The following MFSD2B variants were observed in gnomAD, a reference collection of about 807,000 sequenced individuals.
MFSD2B encodes sphingosine-1-phosphate transporter MFSD2B.
In MFSD2B, 56 loss-of-function variants were observed where a neutral mutation model predicts 58.4. The observed-to-expected ratio is 0.96, with a 90% CI of 0.77 to 1.20. The LOEUF (loss-of-function observed/expected upper bound fraction) is 1.20, where lower values mean the gene tolerates loss of function less well. Ranked by LOEUF, MFSD2B falls within the 50% of genes most tolerant of loss-of-function variation. The pLI is 0.00. For synonymous variants in MFSD2B, 287 were observed against 294.4 expected (o/e 0.97, Z 0.26); for missense variants, 645 against 667.6 (o/e 0.97, Z 0.37).
chr2:24,019,775 A>T (rs1662690546), intron 6 of MFSD2B, among the ~76,000 whole-genome samples: 1 of 152,132 alleles, frequency 6.6e-6, no homozygotes. Flanking sequence ...TTCCCAATGC[A>T]CCTACTGCCC....
In MFSD2B at chr2:24,023,875, T is replaced by A. The variant is rs1233677941; in HGVS notation, c.1313+149T>A. On this transcript the variant is annotated intron_variant, in intron 12 of 13. Coordinates refer to ENST00000338315, the MANE Select transcript of MFSD2B (RefSeq NM_001346880.2). This position sits in a 1 kb window ranked among gnomAD's most constrained non-coding sequence, Gnocchi z 5.0. ...GAGTGTGGGGAACCACTTCCCCAGG[T>A]TTCTCTGTGCATGAGACTGAGAGGG... 2.6e-5 allele frequency: 29 copies of A among 1,101,100 alleles called. No homozygotes were observed. The African/African-American group carries it at 3.9e-4, about 15-fold the overall frequency. The allele number at this position is 1,101,100 out of a possible 1,614,324, so 68.2% of individuals were successfully genotyped here.
chr2:24,022,868 G>A lies in MFSD2B; in HGVS notation c.1025G>A (p.Arg342His), dbSNP rs367771310. ...STPLWEWVLQ[R>H]FGKKTSAFGI... Reference sequence around the variant, plus strand: ...CCGCTGTGGGAGTGGGTTCTCCAGCGCTTTGGGAAGAAGACGTCAGCCTTT... The same window carrying A: ...CCGCTGTGGGAGTGGGTTCTCCAGCACTTTGGGAAGAAGACGTCAGCCTTT... The change falls in exon 10 of 14, where the codon CGC becomes CAC. Residue 342 changes from arginine to histidine, a missense_variant. Transcript: ENST00000338315. This position sits in a 1 kb window ranked among gnomAD's most constrained non-coding sequence, Gnocchi z 4.5. The A allele has an allele frequency of 6.2e-5, 100 of 1,611,104 alleles. No individual in the cohort carries two copies. Among genetic ancestry groups the A allele is most frequent in the Middle Eastern group, 1.6e-4 (1 of 6,062 alleles).
rs1159574428 is a variant in MFSD2B at position 24,025,420 on chromosome 2, C to G, written c.1491-12C>G. 16 of 1,535,912 alleles carry G rather than the reference C, an allele frequency of 1.0e-5. No individual in the cohort carries two copies. The highest frequency in any genetic ancestry group is 1.4e-5 in the Non-Finnish European group (16 of 1,146,814). On this transcript the variant is annotated splice_polypyrimidine_tract_variant and intron_variant, in intron 13 of 13. Coordinates refer to ENST00000338315, the MANE Select transcript of MFSD2B (RefSeq NM_001346880.2). ...TTCCATCCTTCTCCTTGGCTTCCTT[C>G]CCTTCCCACAGGAGGACCAGCTACA...
In MFSD2B at chr2:24,017,117, G is replaced by C. The variant is rs939179058; in HGVS notation, c.471+149G>C. 15 of 1,364,502 alleles carry C rather than the reference G, an allele frequency of 1.1e-5. No homozygotes were observed. Among genetic ancestry groups the C allele is most frequent in the Non-Finnish European group, 1.5e-5 (15 of 999,106 alleles). 84.5% of individuals were successfully genotyped at this position (1,364,502 alleles called of 1,614,324 possible). On this transcript the variant is annotated intron_variant, in intron 4 of 13. Transcript: ENST00000338315. The surrounding 1 kb of genome is among the most constrained non-coding windows in gnomAD (Gnocchi z 4.8). ...ATTGGCACTCGCCAGCCTTGCGCGGGACTGGCTGCCCCCTCCTGCCTTTGG... is the reference window on the plus strand; with the variant it reads ...ATTGGCACTCGCCAGCCTTGCGCGGCACTGGCTGCCCCCTCCTGCCTTTGG...
At position 24,010,210 on chromosome 2, in the gene MFSD2B, G is replaced by A; in HGVS notation, c.96+18G>A. 1.0e-5 allele frequency: 14 copies of A among 1,371,998 alleles called. No individual in the cohort carries two copies. The highest frequency in any genetic ancestry group is 1.3e-5 in the Non-Finnish European group (14 of 1,067,042). 85.0% of individuals were successfully genotyped at this position (1,371,998 alleles called of 1,614,324 possible). On this transcript the variant is annotated intron_variant, in intron 1 of 13. Coordinates refer to ENST00000338315, the MANE Select transcript of MFSD2B (RefSeq NM_001346880.2). ...GGCGAGAGGTGAGCGGGGCGGCGGG[G>A]ACCGGGAAGGGGCTGCGTCCTCGGG...
Position 24,024,485 on chromosome 2 carries a change from G to C in MFSD2B, c.1490+214G>C, listed in dbSNP as rs1221646509. Among the ~76,000 whole-genome samples the C allele has an allele frequency of 3.9e-5, 6 of 152,052 alleles. No homozygotes were observed. On this transcript the variant is annotated intron_variant, in intron 13 of 13. Transcript: ENST00000338315. The surrounding 1 kb of genome is among the most constrained non-coding windows in gnomAD (Gnocchi z 4.3). Reference sequence around the variant, plus strand: ...TTCCTTTGATCACCTGGTAGACTGTGGTATGTGAGGGCTCACTCCTTGATC... The same window carrying C: ...TTCCTTTGATCACCTGGTAGACTGTCGTATGTGAGGGCTCACTCCTTGATC...
Position 24,023,456 on chromosome 2 carries a change from C to A in MFSD2B, c.1170-127C>A. ...ACGAGCACACAGGCCATCTGCTTCTCTGGTGGCCAGTCTGGTCCTGGGCAC... is the reference window on the plus strand; with the variant it reads ...ACGAGCACACAGGCCATCTGCTTCTATGGTGGCCAGTCTGGTCCTGGGCAC... On this transcript the variant is annotated intron_variant, in intron 11 of 13. Coordinates refer to ENST00000338315, the MANE Select transcript of MFSD2B (RefSeq NM_001346880.2). This position sits in a 1 kb window ranked among gnomAD's most constrained non-coding sequence, Gnocchi z 5.0. 8.4e-7 allele frequency: 1 copy of A among 1,194,608 alleles called. No individual in the cohort carries two copies. Among genetic ancestry groups the A allele is most frequent in the Non-Finnish European group, 1.2e-6 (1 of 856,044 alleles). 74.0% of individuals were successfully genotyped at this position (1,194,608 alleles called of 1,614,324 possible).
chr2:24,014,390 G>T (rs914299310), intron 2 of MFSD2B, among the ~76,000 whole-genome samples: 1 of 152,158 alleles, frequency 6.6e-6, no homozygotes, highest in Non-Finnish European at 1.5e-5. Context: ...CTGATCTCAG[G>T]TGTTCCATCC....
At position 24,025,923 on chromosome 2, in the gene MFSD2B, CGT is replaced by C. The variant is rs1369299167; in HGVS notation, c.*470_*471del. 6.3e-6 allele frequency: 1 copy of C among 157,752 alleles called. No homozygotes were observed. The highest frequency in any genetic ancestry group is 1.4e-5 in the Non-Finnish European group (1 of 71,400). The allele number at this position is 157,752 out of a possible 1,614,324, so 9.8% of individuals were successfully genotyped here. A position where few individuals can be genotyped will look rare whatever the true frequency, so the allele number is the denominator to read the frequency against. On this transcript the variant is annotated 3_prime_UTR_variant, in exon 14 of 14. Coordinates refer to ENST00000338315, the MANE Select transcript of MFSD2B (RefSeq NM_001346880.2). The stretch of plus-strand genomic sequence containing the variant: ...ATTTTTAGTAGAGACGGGGTTTCAC[CGT>C]GTTAGCCAGAATGGTTTCGATCTCC...
chr2:24,017,699 G>A lies in MFSD2B; in HGVS notation c.681+111G>A. The A allele has an allele frequency of 2.6e-6, 3 of 1,173,128 alleles. No individual in the cohort carries two copies. The highest frequency in any genetic ancestry group is 1.6e-5 in the South Asian group (1 of 62,516). The allele number at this position is 1,173,128 out of a possible 1,614,324, so 72.7% of individuals were successfully genotyped here. A position where few individuals can be genotyped will look rare whatever the true frequency, so the allele number is the denominator to read the frequency against. On this transcript the variant is annotated intron_variant, in intron 6 of 13. Transcript: ENST00000338315. This position sits in a 1 kb window ranked among gnomAD's most constrained non-coding sequence, Gnocchi z 4.8. ...ACACCACTTTGTTGTCTTTTAGGGGGCTCACTGTGCCCCCTCATTCCTTCC... is the reference window on the plus strand; with the variant it reads ...ACACCACTTTGTTGTCTTTTAGGGGACTCACTGTGCCCCCTCATTCCTTCC...
chr2:24,023,409 C>G lies in MFSD2B; in HGVS notation c.1169+170C>G. On this transcript the variant is annotated intron_variant, in intron 11 of 13. Coordinates refer to ENST00000338315, the MANE Select transcript of MFSD2B (RefSeq NM_001346880.2). The surrounding 1 kb of genome is among the most constrained non-coding windows in gnomAD (Gnocchi z 5.0). ...TCAGGCAGTAGGAATGGCGGGGGGC[C>G]GGCAGGGGGCTGGCGGGGGGTACGA... The G allele has an allele frequency of 1.2e-5, 11 of 902,916 alleles. No homozygotes were observed. Among genetic ancestry groups the G allele is most frequent in the Non-Finnish European group, 1.8e-5 (11 of 594,816 alleles). The allele number at this position is 902,916 out of a possible 1,614,324, so 55.9% of individuals were successfully genotyped here.
In MFSD2B at chr2:24,022,501, G is replaced by A. The variant is rs763877773; in HGVS notation, c.963G>A (p.Leu321=). The A allele has an allele frequency of 6.2e-7, 1 of 1,613,026 alleles. No homozygotes were observed. Among genetic ancestry groups the A allele is most frequent in the Non-Finnish European group, 8.5e-7 (1 of 1,179,554 alleles). ...AGCTACACGACCACGTCCAGGGCCT[G>A]GTACTAACTGTCCTGGTGAGGGGGC... ...ASQLHDHVQG[L]VLTVLVSAVL... is the part of the protein sequence containing the mutation. Residue 321 remains leucine (L), a synonymous_variant, in exon 9 of 14, where the codon CTG becomes CTA. Transcript: ENST00000338315. The surrounding 1 kb of genome is among the most constrained non-coding windows in gnomAD (Gnocchi z 4.5).
chr2:24,022,890 C>T lies in MFSD2B; in HGVS notation c.1047C>T (p.Ala349=). ...AGCGCTTTGGGAAGAAGACGTCAGC[C>T]TTTGGGATCTTTGTGAGTGAGGCGG... The part of the protein sequence containing the change: ...VLQRFGKKTS[A]FGIFAMVPFA... The change falls in exon 10 of 14, where the codon GCC becomes GCT. Residue 349 remains alanine (A), a synonymous_variant. Transcript: ENST00000338315. The surrounding 1 kb of genome is among the most constrained non-coding windows in gnomAD (Gnocchi z 4.5). The T allele has an allele frequency of 6.2e-7, 1 of 1,610,480 alleles. No individual in the cohort carries two copies. The highest frequency in any genetic ancestry group is 8.5e-7 in the Non-Finnish European group (1 of 1,178,594).
chr2:24,012,968 C>T lies in MFSD2B; in HGVS notation c.97-317C>T, dbSNP rs1465407846. On this transcript the variant is annotated intron_variant, in intron 1 of 13. Coordinates refer to ENST00000338315, the MANE Select transcript of MFSD2B (RefSeq NM_001346880.2). The surrounding 1 kb of genome is among the most constrained non-coding windows in gnomAD (Gnocchi z 4.5). ...TAGAGGGGTAGGTGACAAAGGCAGG[C>T]TCAAGCCCAGGTCTCCTGACCTGCA... 4.0e-6 allele frequency: 1 copy of T among 248,296 alleles called. No homozygotes were observed. The highest frequency in any genetic ancestry group is 7.7e-6 in the Non-Finnish European group (1 of 129,730). 15.4% of individuals were successfully genotyped at this position (248,296 alleles called of 1,614,324 possible).
chr2:24,022,983 G>T lies in MFSD2B; in HGVS notation c.1059+81G>T. On this transcript the variant is annotated intron_variant, in intron 10 of 13. Transcript: ENST00000338315. This position sits in a 1 kb window ranked among gnomAD's most constrained non-coding sequence, Gnocchi z 4.5. ...GTGACCTTGGTGCCTGAGCCTCCTG[G>T]GGCCAGCAGGGGTGGATCTGTGTTC... 7.1e-7 allele frequency: 1 copy of T among 1,403,360 alleles called. No individual in the cohort carries two copies. Among genetic ancestry groups the T allele is most frequent in the Non-Finnish European group, 1.0e-6 (1 of 1,004,954 alleles). The allele number at this position is 1,403,360 out of a possible 1,614,324, so 86.9% of individuals were successfully genotyped here. A position where few individuals can be genotyped will look rare whatever the true frequency, so the allele number is the denominator to read the frequency against.
At position 24,016,913 on chromosome 2, in the gene MFSD2B, G is replaced by A; in HGVS notation, c.416G>A (p.Ser139Asn). The A allele has an allele frequency of 3.1e-6, 5 of 1,613,854 alleles. No individual in the cohort carries two copies. The highest frequency in any genetic ancestry group is 4.2e-6 in the Non-Finnish European group (5 of 1,179,862). Residue 139 changes from serine to asparagine, a missense_variant, in exon 4 of 14, where the codon AGC (serine) becomes AAC (asparagine). Physicochemically the swap from Ser to Asn is conservative, Grantham distance 46. Transcript: ENST00000338315. ...FFLWFLPPFT[S>N]LRGLWYTTFY... ...CTGTGGTTCCTGCCCCCCTTCACCAGCCTGCGAGGCCTCTGGTACACGACT... is the reference window on the plus strand; with the variant it reads ...CTGTGGTTCCTGCCCCCCTTCACCAACCTGCGAGGCCTCTGGTACACGACT...
chr2:24,022,804 G>C lies in MFSD2B; in HGVS notation c.979-18G>C. 4 of 1,545,288 alleles carry C rather than the reference G, an allele frequency of 2.6e-6. No homozygotes were observed. Among genetic ancestry groups the C allele is most frequent in the Non-Finnish European group, 3.5e-6 (4 of 1,147,564 alleles). Reference sequence around the variant, plus strand: ...GCTGGCAGCACGGCCCTGGCGTGACGATGCTGTCTGCTCACAGGTCTCAGC... The same window carrying C: ...GCTGGCAGCACGGCCCTGGCGTGACCATGCTGTCTGCTCACAGGTCTCAGC... On this transcript the variant is annotated intron_variant, in intron 9 of 13. Coordinates refer to ENST00000338315, the MANE Select transcript of MFSD2B (RefSeq NM_001346880.2). This position sits in a 1 kb window ranked among gnomAD's most constrained non-coding sequence, Gnocchi z 4.5.
In MFSD2B at chr2:24,023,357, C is replaced by T. The variant is rs1662868125; in HGVS notation, c.1169+118C>T. On this transcript the variant is annotated intron_variant, in intron 11 of 13. Transcript: ENST00000338315. The surrounding 1 kb of genome is among the most constrained non-coding windows in gnomAD (Gnocchi z 5.0). ...TGCAGGAGATGGAGGCCACCAGCTC[C>T]ATCCTCAGAGCCCTCCTGAGAGGAC... is the stretch of plus-strand genomic sequence containing the variant. 4.0e-6 allele frequency: 4 copies of T among 988,094 alleles called. No homozygotes were observed. In the African/African-American group the frequency reaches 4.8e-5, roughly 12 times the overall value. The allele number at this position is 988,094 out of a possible 1,614,324, so 61.2% of individuals were successfully genotyped here.
In MFSD2B at chr2:24,023,571, C is replaced by G. The variant is rs541559713; in HGVS notation, c.1170-12C>G. Reference sequence around the variant, plus strand: ...AGGGGCTAGGAGGGCTAACTCCACACCCCCGCCGCAGGTCCATGCTGCCAG... The same window carrying G: ...AGGGGCTAGGAGGGCTAACTCCACAGCCCCGCCGCAGGTCCATGCTGCCAG... On this transcript the variant is annotated splice_polypyrimidine_tract_variant and intron_variant, in intron 11 of 13. Coordinates refer to ENST00000338315, the MANE Select transcript of MFSD2B (RefSeq NM_001346880.2). This position sits in a 1 kb window ranked among gnomAD's most constrained non-coding sequence, Gnocchi z 5.0. 2 of 1,611,592 alleles carry G rather than the reference C, an allele frequency of 1.2e-6. No individual in the cohort carries two copies. The highest frequency in any genetic ancestry group is 2.2e-5 in the East Asian group (1 of 44,822).
Sources: gnomAD v4.1 joint callset for allele counts (sites outside exome capture counted in the v4.1 genomes callset) on GRCh38, gnomAD v4.1.1 for gene constraint, Gnocchi (gnomAD v3.1) non-coding constraint, MANE v1.5 for transcripts, NCBI Gene and HGNC (gene_info 2026-07-23, HGNC 2026-07-21) for gene names.